The following ADH1C variants were observed in gnomAD, a reference collection of about 807,000 sequenced individuals.
ADH1C encodes the protein alcohol dehydrogenase 1C (class I), gamma polypeptide.
ADH1C carries 26 observed loss-of-function variants against 35.0 expected under a neutral mutation model. The observed-to-expected ratio is 0.74, with a 90% confidence interval of 0.54 to 1.03. The LOEUF is 1.03. Ranked by LOEUF, ADH1C falls within the 50% of genes least tolerant of loss-of-function variation. The pLI, the probability that ADH1C is intolerant of heterozygous loss-of-function variation, is 0.00. For missense variants in ADH1C, 413 were observed against 465.4 expected (o/e 0.89, Z 1.04); for synonymous variants, 170 against 169.3 (o/e 1.00, Z -0.03).
chr4:99,344,068 T>C (rs1385242226), intron 5 of ADH1C, among the ~76,000 whole-genome samples: 2 of 152,208 alleles, frequency 1.3e-5, no homozygotes, highest in African/African-American at 4.8e-5. Flanking sequence ...TAATTATGGA[T>C]TGTGATTTGA....
rs1734325858 is a variant in ADH1C at position 99,338,393 on chromosome 4, T to TATATA, written c.1103+1183_1103+1184insTATAT. On this transcript the variant is annotated intron_variant, in intron 8 of 8. Coordinates refer to ENST00000515683, the MANE Select transcript of ADH1C (RefSeq NM_000669.5). ...TAATTAACCTTTGATGAATACTGTT[T>TATATA]TCTATATATATATATATATATATAT... 7.0e-4 allele frequency among the ~76,000 whole-genome samples: 51 copies of TATATA among 73,094 alleles called. 12 individuals carry two copies. The East Asian group carries it at 0.019, about 28-fold the overall frequency. 48.0% of individuals were successfully genotyped at this position (73,094 alleles called of 152,430 possible).
intron 3 of ADH1C, among the ~76,000 whole-genome samples, chr4:99,346,425 C>T (rs1359344680): frequency 6.6e-6 from 1 of 152,116 alleles, no homozygotes; most frequent in Non-Finnish European, 1.5e-5. Context: ...GTGGATGGCT[C>T]CTGCTATGTT....
At chr4:99,345,125 C>G (rs765257888) in intron 4 of ADH1C, 44 bp from the exon 5 acceptor site, 30 of 1,613,778 alleles carry the variant, frequency 1.9e-5, no homozygotes, top group Non-Finnish European at 2.2e-5. Flanking sequence ...TGAGACAGGA[C>G]CATAACTAAT....
chr4:99,343,129 T>A, intron 5 of ADH1C, 74 bp from the exon 6 acceptor site: 1 of 1,555,290 alleles, frequency 6.4e-7, no homozygotes, highest in Non-Finnish European at 8.7e-7. Context: ...TAAAGTGCCA[T>A]GTCTTGTGTG....
intron 3 of ADH1C, among the ~76,000 whole-genome samples, chr4:99,345,739 A>G (rs977086913): frequency 1.3e-5 from 2 of 152,214 alleles, no homozygotes; most frequent in Non-Finnish European, 2.9e-5. Flanking sequence ...TTTTTAACAT[A>G]GGTCTTGGCT....
chr4:99,342,126 T>C (rs535653617), intron 6 of ADH1C, among the ~76,000 whole-genome samples: 1 of 152,314 alleles, frequency 6.6e-6, no homozygotes, highest in South Asian at 2.1e-4. Flanking sequence ...TTACATGCAT[T>C]GTCTCATGCG....
At chr4:99,346,209 T>C (rs1405852738) in intron 3 of ADH1C, among the ~76,000 whole-genome samples, 1 of 152,178 alleles carries the variant, frequency 6.6e-6, no homozygotes, top group Admixed American at 6.5e-5. Flanking sequence ...AGAAAAATGA[T>C]TGGTGCATAA....
At chr4:99,339,528 C>T in intron 8 of ADH1C, 49 bp downstream of exon 8, 5 of 1,139,246 alleles carry the variant, frequency 4.4e-6, no homozygotes, top group South Asian at 1.7e-5. Flanking sequence ...CCCCCCCCCG[C>T]CGCTACTGTA....
intron 8 of ADH1C, among the ~76,000 whole-genome samples, chr4:99,338,395 CTATATATATATATATATATATA>C (rs35124782): frequency 2.6e-5 from 1 of 38,946 alleles, no homozygotes; most frequent in Non-Finnish European, 4.7e-5. Context: ...ATACTGTTTT[CTATATATATATATATATATATA>C]TATATATATA....
chr4:99,348,529 T>A (rs1168829404), intron 1 of ADH1C, among the ~76,000 whole-genome samples: 2 of 150,858 alleles, frequency 1.3e-5, no homozygotes, highest in Admixed American at 1.3e-4. Context: ...TCTATCATTG[T>A]TGGACATTTG....
chr4:99,351,508 T>A (rs1734679125), intron 1 of ADH1C, among the ~76,000 whole-genome samples: 1 of 152,272 alleles, frequency 6.6e-6, no homozygotes, highest in African/African-American at 2.4e-5. Flanking sequence ...TATGAACTCA[T>A]TATTTCTTTT....
intron 8 of ADH1C, among the ~76,000 whole-genome samples, chr4:99,338,733 C>T (rs1004901053): frequency 2.0e-5 from 3 of 148,452 alleles, no homozygotes; most frequent in African/African-American, 7.5e-5. Flanking sequence ...GATAAAGTAT[C>T]TAGTATGATA....
intron 8 of ADH1C, among the ~76,000 whole-genome samples, chr4:99,338,693 G>A (rs1323929000): frequency 6.7e-6 from 1 of 148,562 alleles, no homozygotes; most frequent in Non-Finnish European, 1.5e-5. Flanking sequence ...GTGGGTGCTA[G>A]TGTCTTTCCT....
At chr4:99,339,257 T>A (rs977303442) in intron 8 of ADH1C, among the ~76,000 whole-genome samples, 2 of 152,166 alleles carry the variant, frequency 1.3e-5, no homozygotes, top group African/African-American at 4.8e-5. Context: ...TCTGGTTGCT[T>A]AAACTTTTTT....
chr4:99,346,952 G>A lies in ADH1C; in HGVS notation c.259+54C>T, dbSNP rs951997655. On this transcript the variant is annotated intron_variant, in intron 3 of 8. Coordinates refer to ENST00000515683, the MANE Select transcript of ADH1C (RefSeq NM_000669.5). ...TTGCCTCGGTTTCCTCATCCAGGCTGACTAATCTTGTGATGGTGAACCAAG... is the reference window on the plus strand; with the variant it reads ...TTGCCTCGGTTTCCTCATCCAGGCTAACTAATCTTGTGATGGTGAACCAAG... The A allele has an allele frequency of 1.9e-6, 3 of 1,589,622 alleles. No homozygotes were observed. The African/African-American group carries it at 4.1e-5, about 22-fold the overall frequency.
Position 99,344,934 on chromosome 4 carries a change from C to T in ADH1C, c.495G>A (p.Ser165=), listed in dbSNP as rs1734495047. ...ENAVAKIDAA[S]PLEKVCLIGC... ...CAATGAGGCAGACTTTCTCCAGGGG[C>T]GAGGCTGCATCAATTTTGGCCACTG... Residue 165 remains serine (S), a synonymous_variant, in exon 5 of 9, where the codon TCG becomes TCA. Coordinates refer to ENST00000515683, the MANE Select transcript of ADH1C (RefSeq NM_000669.5). The T allele has an allele frequency of 1.3e-5, 21 of 1,614,132 alleles. No homozygotes were observed. In the Middle Eastern group the frequency reaches 4.9e-4, roughly 38 times the overall value.
intron 3 of ADH1C, among the ~76,000 whole-genome samples, 184 bp downstream of exon 3, chr4:99,346,822 C>T (rs1579533488): frequency 6.6e-6 from 1 of 152,108 alleles, no homozygotes; most frequent in African/African-American, 2.4e-5. Context: ...ACACGCATGC[C>T]TGCCTGAAGT....
intron 1 of ADH1C, chr4:99,351,226 A>G (rs1252438500): frequency 1.3e-5 from 2 of 152,336 alleles, no homozygotes; most frequent in South Asian, 2.1e-4. Context: ...AGCAACAATA[A>G]TAACAGTGGC....
chr4:99,339,120 A>G (rs1014966258), intron 8 of ADH1C, among the ~76,000 whole-genome samples: 1 of 152,198 alleles, frequency 6.6e-6, no homozygotes, highest in Non-Finnish European at 1.5e-5. Flanking sequence ...ATCAATCTCA[A>G]TGTAGTTCCA....
Sources: allele counts gnomAD v4.1 joint callset (sites outside exome capture counted in the v4.1 genomes callset), GRCh38; gene constraint gnomAD v4.1.1; transcripts MANE v1.5; gene names NCBI Gene and HGNC (gene_info 2026-07-23, HGNC 2026-07-21).